NELL1: variants seen among roughly 807,000 people sequenced by gnomAD.
NELL1 encodes the protein protein kinase C-binding protein NELL1.
NELL1 carries 76 observed loss-of-function variants against 107.4 expected under a neutral mutation model. That is an observed-to-expected ratio of 0.71 (90% CI 0.59 to 0.86). The LOEUF is 0.86. NELL1 is among the 40% of genes least tolerant of loss of function. NELL1 has a pLI of 0.00. For synonymous variants in NELL1, 353 were observed against 341.2 expected, an observed-to-expected ratio of 1.03 and a Z score of -0.38; for missense variants, 1,024 against 1,005.5, an observed-to-expected ratio of 1.02 and a Z score of -0.25.
At chr11:21,535,178 A>G (rs1036123270) in intron 16 of NELL1, among the ~76,000 whole-genome samples, 13 of 152,170 alleles carry the variant, frequency 8.5e-5, no homozygotes, top group Non-Finnish European at 1.5e-4. Context: ...AAATTAGCAG[A>G]TGGAGTTATT....
chr11:21,459,434 T>C (rs974825274), intron 15 of NELL1, among the ~76,000 whole-genome samples: 2 of 151,320 alleles, frequency 1.3e-5, no homozygotes, highest in Non-Finnish European at 1.5e-5. Context: ...AAGTTTAATA[T>C]GGAACATTGG....
chr11:21,129,676 G>T (rs1379648834), intron 13 of NELL1, among the ~76,000 whole-genome samples: 1 of 152,208 alleles, frequency 6.6e-6, no homozygotes, highest in Non-Finnish European at 1.5e-5. Flanking sequence ...AACACTGCAT[G>T]ATTCCACTTA....
rs149830445 is a variant in NELL1, at chr11:21,479,772, T to A, written c.1646-54602T>A. Reference sequence around the variant, plus strand: ...CCTGTTGTGATTATTACACATCGTATGTCTGTGTCAAAATATCTCATGTAC... The same window carrying A: ...CCTGTTGTGATTATTACACATCGTAAGTCTGTGTCAAAATATCTCATGTAC... On this transcript the variant is annotated intron_variant, in intron 15 of 19. Transcript: ENST00000357134. Among the ~76,000 whole-genome samples the A allele has an allele frequency of 2.5e-3, 375 of 152,306 alleles. 2 individuals are homozygous for A. The highest frequency in any genetic ancestry group is 8.4e-3 in the African/African-American group (348 of 41,572).
intron 13 of NELL1, among the ~76,000 whole-genome samples, chr11:21,129,267 A>T (rs1422130284): frequency 6.6e-6 from 1 of 152,186 alleles, no homozygotes. Context: ...GAGGATGTGG[A>T]GGAACTGGAA....
At chr11:20,857,265 A>C (rs1031474434) in intron 4 of NELL1, among the ~76,000 whole-genome samples, 1 of 152,018 alleles carries the variant, frequency 6.6e-6, no homozygotes, top group Admixed American at 6.6e-5. Flanking sequence ...AGAGCTGCTG[A>C]TGAGAGAGTC....
chr11:21,139,054 G>A (rs1485898494), intron 13 of NELL1, among the ~76,000 whole-genome samples: 1 of 152,172 alleles, frequency 6.6e-6, no homozygotes, highest in Non-Finnish European at 1.5e-5. Context: ...TCTAACAAAA[G>A]TTTGGTGTGT....
chr11:21,062,577 A>G (rs144904360), intron 12 of NELL1, among the ~76,000 whole-genome samples: 2 of 152,190 alleles, frequency 1.3e-5, no homozygotes, highest in Admixed American at 6.5e-5. Flanking sequence ...TTGAGGGACT[A>G]TATTCCAACA....
At chr11:20,898,321 C>CA (rs1400491883) in intron 5 of NELL1, among the ~76,000 whole-genome samples, 10 of 151,592 alleles carry the variant, frequency 6.6e-5, no homozygotes, top group Admixed American at 1.3e-4. Context: ...ATTGCGAGGA[C>CA]AAAAAACCAA....
chr11:20,852,187 A>G (rs1021598361), intron 4 of NELL1, among the ~76,000 whole-genome samples: 2 of 151,884 alleles, frequency 1.3e-5, no homozygotes, highest in Non-Finnish European at 2.9e-5. Context: ...TCAAATGTGT[A>G]TGGCACATAC....
intron 4 of NELL1, among the ~76,000 whole-genome samples, chr11:20,881,912 T>C (rs774592038): frequency 3.9e-5 from 6 of 152,218 alleles, no homozygotes; most frequent in Non-Finnish European, 7.3e-5. Flanking sequence ...AGCTATTTGC[T>C]GATGTGAAGG....
At chr11:21,288,891 G>A (rs2133956841) in intron 14 of NELL1, among the ~76,000 whole-genome samples, 1 of 152,258 alleles carries the variant, frequency 6.6e-6, no homozygotes, top group Non-Finnish European at 1.5e-5. Flanking sequence ...CCACCTGGTT[G>A]TCGTATGTGG....
chr11:21,496,020 G>T (rs12576315), intron 15 of NELL1, among the ~76,000 whole-genome samples: 1 of 152,028 alleles, frequency 6.6e-6, no homozygotes, highest in African/African-American at 2.4e-5. Flanking sequence ...TTGAAAATGT[G>T]TAAGTTATAT....
intron 14 of NELL1, among the ~76,000 whole-genome samples, chr11:21,269,015 G>A (rs770423320): frequency 3.9e-5 from 6 of 152,060 alleles, no homozygotes; most frequent in Admixed American, 1.3e-4. Flanking sequence ...CATGAAAAAT[G>A]CCTTTTTTGT....
At chr11:21,569,510 T>TGAAA (rs751085867) in intron 17 of NELL1, among the ~76,000 whole-genome samples, 3 of 151,524 alleles carry the variant, frequency 2.0e-5, no homozygotes, top group Non-Finnish European at 4.4e-5. Context: ...TTAAAACCAT[T>TGAAA]GAAAGAGAAG....
intron 12 of NELL1, among the ~76,000 whole-genome samples, chr11:21,016,402 C>A (rs1852564710): frequency 6.6e-6 from 1 of 151,986 alleles, no homozygotes; most frequent in African/African-American, 2.4e-5. Flanking sequence ...GTCAGTAGCT[C>A]CCCAAACTCC....
At chr11:21,218,274 A>G (rs576366336) in intron 13 of NELL1, among the ~76,000 whole-genome samples, 2 of 152,180 alleles carry the variant, frequency 1.3e-5, no homozygotes, top group Non-Finnish European at 2.9e-5. Context: ...TCAAATGCCT[A>G]TCTGTTCACA....
chr11:21,068,032 C>CAAAAA (rs1195285619), intron 12 of NELL1, among the ~76,000 whole-genome samples: 465 of 40,382 alleles, frequency 0.012, 119 homozygotes, highest in African/African-American at 0.034. Flanking sequence ...GATGCCATCT[C>CAAAAA]AAAAAAAAAA....
intron 16 of NELL1, among the ~76,000 whole-genome samples, chr11:21,539,494 G>C (rs1222401172): frequency 6.6e-6 from 1 of 151,862 alleles, no homozygotes; most frequent in Non-Finnish European, 1.5e-5. Context: ...TTATTGAGTG[G>C]TGGAGGTGGC....
At chr11:20,901,329 A>G (rs1437699107) in intron 5 of NELL1, among the ~76,000 whole-genome samples, 1 of 152,164 alleles carries the variant, frequency 6.6e-6, no homozygotes, top group African/African-American at 2.4e-5. Flanking sequence ...AAAAACTGCA[A>G]TTAAATATTT....
Sources: gnomAD v4.1 joint callset for allele counts (sites outside exome capture counted in the v4.1 genomes callset) on GRCh38, gnomAD v4.1.1 for gene constraint, MANE v1.5 for transcripts, NCBI Gene and HGNC (gene_info 2026-07-23, HGNC 2026-07-21) for gene names.